The following GNA14 variants were observed in gnomAD, a reference collection of about 807,000 sequenced individuals.
GNA14 encodes the protein G protein subunit alpha 14, also known as guanine nucleotide-binding protein subunit alpha-14.
A neutral mutation model predicts 42.0 loss-of-function variants in GNA14; 50 were observed. That is an observed-to-expected ratio of 1.19 (90% confidence interval 0.95 to 1.51). The LOEUF (loss-of-function observed/expected upper bound fraction) is 1.51, where lower values mean the gene tolerates loss of function less well. Among genes scored for constraint, GNA14 ranks in the 40% most tolerant of loss-of-function variants. The probability of loss-of-function intolerance (pLI) is 0.00; values close to 1 mark genes in which losing one functional copy is unlikely to be tolerated. For synonymous variants in GNA14, 173 were observed against 163.1 expected (o/e 1.06, Z -0.46); for missense variants, 473 against 446.2 (o/e 1.06, Z -0.54).
intron 5 of GNA14, among the ~76,000 whole-genome samples, chr9:77,427,188 C>T (rs1012688830): frequency 2.6e-5 from 4 of 152,114 alleles, no homozygotes; most frequent in African/African-American, 9.7e-5. Context: ...TGTTTAATTT[C>T]TAAGCACTTT....
chr9:77,547,420 A>T (rs1242618804), intron 1 of GNA14, among the ~76,000 whole-genome samples: 1 of 152,218 alleles, frequency 6.6e-6, no homozygotes, highest in Non-Finnish European at 1.5e-5. Context: ...AAAGAGGTAA[A>T]ATTAGCTCTA....
intron 1 of GNA14, among the ~76,000 whole-genome samples, chr9:77,571,625 A>T (rs1426797907): frequency 6.6e-6 from 1 of 152,056 alleles, no homozygotes. Flanking sequence ...ACATGGAGAA[A>T]CCCTGTCTCT....
chr9:77,453,990 A>G (rs918129389), intron 2 of GNA14, among the ~76,000 whole-genome samples: 1 of 152,232 alleles, frequency 6.6e-6, no homozygotes, highest in African/African-American at 2.4e-5. Flanking sequence ...TAATGCTCAG[A>G]AGTGAAAGCT....
intron 6 of GNA14, among the ~76,000 whole-genome samples, chr9:77,424,431 C>G (rs1008649733): frequency 3.9e-5 from 6 of 152,176 alleles, no homozygotes; most frequent in African/African-American, 1.4e-4. Context: ...CCATGTTGGC[C>G]AGACTGGTCT....
At chr9:77,596,785 A>C (rs1182444069) in intron 1 of GNA14, among the ~76,000 whole-genome samples, 1 of 152,200 alleles carries the variant, frequency 6.6e-6, no homozygotes, top group East Asian at 1.9e-4. Context: ...AGATAAATGC[A>C]TATCTGATTG....
chr9:77,564,788 G>A (rs1822940543), intron 1 of GNA14, among the ~76,000 whole-genome samples: 2 of 151,504 alleles, frequency 1.3e-5, no homozygotes, highest in South Asian at 2.1e-4. Flanking sequence ...AGCTGAGATT[G>A]TACCACTGCA....
At chr9:77,442,112 C>T (rs999768138) in intron 2 of GNA14, among the ~76,000 whole-genome samples, 4 of 152,204 alleles carry the variant, frequency 2.6e-5, no homozygotes, top group East Asian at 1.9e-4. Context: ...TGGCTCATGC[C>T]TATAATCCCA....
At chr9:77,577,074 T>G (rs1823140773) in intron 1 of GNA14, among the ~76,000 whole-genome samples, 1 of 152,206 alleles carries the variant, frequency 6.6e-6, no homozygotes, top group Non-Finnish European at 1.5e-5. Context: ...ACTCCTATTT[T>G]CTGCAAGCAA....
intron 1 of GNA14, among the ~76,000 whole-genome samples, chr9:77,608,391 T>C (rs891897561): frequency 6.6e-5 from 10 of 152,174 alleles, no homozygotes; most frequent in Non-Finnish European, 1.2e-4. Context: ...CTAATTTAGA[T>C]GGTATTTAGA....
At chr9:77,511,492 T>C (rs765900343) in intron 2 of GNA14, among the ~76,000 whole-genome samples, 1 of 152,192 alleles carries the variant, frequency 6.6e-6, no homozygotes, top group Admixed American at 6.5e-5. Context: ...CCTGCAAAGA[T>C]AGGAGAGACA....
chr9:77,580,688 G>A (rs1049913705), intron 1 of GNA14: 12 of 258,538 alleles, frequency 4.6e-5, no homozygotes, highest in Middle Eastern at 5.6e-4. Flanking sequence ...AATACTATTC[G>A]TACTCCTCCA....
chr9:77,483,331 T>C (rs887026461), intron 2 of GNA14, among the ~76,000 whole-genome samples: 4 of 152,222 alleles, frequency 2.6e-5, no homozygotes, highest in Non-Finnish European at 4.4e-5. Flanking sequence ...CCAGACCCTG[T>C]TTGCCTGGGC....
chr9:77,497,332 G>A (rs554035857), intron 2 of GNA14, among the ~76,000 whole-genome samples: 1 of 152,278 alleles, frequency 6.6e-6, no homozygotes, highest in East Asian at 1.9e-4. Context: ...TTGCATCTCT[G>A]GGGAGATGGT....
chr9:77,535,552 A>C (rs2131772943), intron 1 of GNA14, among the ~76,000 whole-genome samples: 1 of 152,184 alleles, frequency 6.6e-6, no homozygotes, highest in East Asian at 1.9e-4. Flanking sequence ...TGTCTAGGAA[A>C]ACAAAAACAA....
At chr9:77,514,480 G>A (rs925731002) in intron 2 of GNA14, among the ~76,000 whole-genome samples, 3 of 152,132 alleles carry the variant, frequency 2.0e-5, no homozygotes, top group Non-Finnish European at 2.9e-5. Flanking sequence ...TGGGAGAGAT[G>A]CATAAATTAA....
intron 1 of GNA14, among the ~76,000 whole-genome samples, chr9:77,533,257 T>C (rs1837554075): frequency 6.6e-6 from 1 of 152,166 alleles, no homozygotes; most frequent in African/African-American, 2.4e-5. Flanking sequence ...GCTCACTGCA[T>C]GTAACCTCCG....
intron 1 of GNA14, among the ~76,000 whole-genome samples, chr9:77,613,078 T>C (rs948633327): frequency 2.0e-5 from 3 of 152,208 alleles, no homozygotes; most frequent in African/African-American, 7.2e-5. Context: ...CTGGATGGAC[T>C]TGGAGAACGT....
chr9:77,518,960 T>A (rs558053701), intron 2 of GNA14, among the ~76,000 whole-genome samples: 15 of 152,262 alleles, frequency 9.9e-5, no homozygotes, highest in Admixed American at 4.6e-4. Flanking sequence ...CCTGACAGGG[T>A]TTTGGTGTCA....
In GNA14 at chr9:77,630,123, T is replaced by C. The variant is rs1466721043; in HGVS notation, c.124+17547A>G. Among the ~76,000 whole-genome samples the C allele has an allele frequency of 2.3e-4, 35 of 151,828 alleles. No individual in the cohort carries two copies. The East Asian group carries it at 6.2e-3, about 27-fold the overall frequency. The stretch of plus-strand genomic sequence containing the variant: ...GGGGTTTGTTTTTTGTTTTTTTTTT[T>C]TTTGACAGAGTTTTACTCTGTCACC... On this transcript the variant is annotated intron_variant, in intron 1 of 6. Coordinates refer to ENST00000341700, the MANE Select transcript of GNA14 (RefSeq NM_004297.4).
Sources: allele counts gnomAD v4.1 joint callset (sites outside exome capture counted in the v4.1 genomes callset), GRCh38; gene constraint gnomAD v4.1.1; transcripts MANE v1.5; gene names NCBI Gene and HGNC (gene_info 2026-07-23, HGNC 2026-07-21).